The following NAALADL2 variants were observed in gnomAD, a reference collection of about 807,000 sequenced individuals.
NAALADL2 encodes N-acetylated alpha-linked acidic dipeptidase like 2, also known as inactive N-acetylated-alpha-linked acidic dipeptidase-like protein 2.
NAALADL2 carries 76 observed loss-of-function variants against 87.2 expected under a neutral mutation model. That is an observed-to-expected ratio of 0.87 (90% CI 0.72 to 1.05). The LOEUF (loss-of-function observed/expected upper bound fraction) is 1.05, where lower values mean the gene tolerates loss of function less well. Ranked by LOEUF, NAALADL2 falls within the 50% of genes least tolerant of loss-of-function variation. NAALADL2 has a pLI of 0.00. For missense variants in NAALADL2, 1,089 were observed against 945.8 expected (o/e 1.15, Z -1.99); for synonymous variants, 354 against 331.0 (o/e 1.07, Z -0.75).
At chr3:175,470,928 TA>T (rs1209367789) in intron 8 of NAALADL2, among the ~76,000 whole-genome samples, 15 of 152,236 alleles carry the variant, frequency 9.9e-5, no homozygotes, top group African/African-American at 3.4e-4. Flanking sequence ...GCTTCAAAAG[TA>T]AAGGGCTGGT....
intron 1 of NAALADL2, among the ~76,000 whole-genome samples, chr3:175,005,092 T>C (rs1303229982): frequency 6.6e-6 from 1 of 152,182 alleles, no homozygotes; most frequent in Non-Finnish European, 1.5e-5. Context: ...TTATAGAAAT[T>C]ATACTGTCAG....
intron 7 of NAALADL2, among the ~76,000 whole-genome samples, chr3:175,465,492 T>TTTTTTTTA (rs1723866545): frequency 8.0e-6 from 1 of 125,584 alleles, no homozygotes; most frequent in African/African-American, 2.9e-5. Flanking sequence ...TTTTTTTTTT[T>TTTTTTTTA]GAGATGGAGT....
intron 1 of NAALADL2, among the ~76,000 whole-genome samples, chr3:174,969,719 C>A (rs1435836331): frequency 6.6e-6 from 1 of 152,154 alleles, no homozygotes; most frequent in Non-Finnish European, 1.5e-5. Context: ...CCATTGAAAT[C>A]TTACCCTTGA....
At chr3:175,349,579 T>A (rs944812658) in intron 5 of NAALADL2, among the ~76,000 whole-genome samples, 2 of 152,202 alleles carry the variant, frequency 1.3e-5, no homozygotes, top group African/African-American at 2.4e-5. Context: ...TGACTCTTTT[T>A]TTTAAGAAAA....
chr3:174,984,790 A>G (rs1393831118), intron 1 of NAALADL2, among the ~76,000 whole-genome samples: 2 of 152,214 alleles, frequency 1.3e-5, no homozygotes, highest in Non-Finnish European at 2.9e-5. Flanking sequence ...AAGGGAGAAG[A>G]TAGTTTGTTC....
At chr3:174,845,113 C>T (rs185871382) in intron 3 of NAALADL2, among the ~76,000 whole-genome samples, 19 of 152,258 alleles carry the variant, frequency 1.2e-4, no homozygotes, top group Admixed American at 1.2e-3. Context: ...AGAGAAGATA[C>T]AATATGTTGG....
chr3:175,501,135 T>C (rs75981717), intron 9 of NAALADL2, among the ~76,000 whole-genome samples: 3,264 of 152,142 alleles, frequency 0.021, 117 homozygotes, highest in African/African-American at 0.074. Flanking sequence ...TAAGAGAACA[T>C]GAGTCAGATA....
rs575841218 is a variant in NAALADL2 at position 175,495,169 on chromosome 3, A to G, written c.1653+23411A>G. On this transcript the variant is annotated intron_variant, in intron 9 of 13. Transcript: ENST00000454872. ...GTAGCTTCCAAAGTATGCAAATATC[A>G]TATATTTATTGAATTCTTAAGTGTC... Among the ~76,000 whole-genome samples, 4 of 151,416 alleles carry G rather than the reference A, an allele frequency of 2.6e-5. No homozygotes were observed. In the East Asian group the frequency reaches 5.8e-4, roughly 22 times the overall value.
Position 174,880,920 on chromosome 3 carries a change from TG to T in NAALADL2, c.43+21472del, listed in dbSNP as rs146513920. ...CCTTCTCTTAGATTCTGGTGGCTGATGGCAATCCTTGGAATTCCTTGGCTTG... is the reference window on the plus strand; with the variant it reads ...CCTTCTCTTAGATTCTGGTGGCTGATGCAATCCTTGGAATTCCTTGGCTTG... On this transcript the variant is annotated intron_variant, in intron 1 of 13. Transcript: ENST00000454872. Among the ~76,000 whole-genome samples, 626 of 152,228 alleles carry T rather than the reference TG, an allele frequency of 4.1e-3. 6 individuals are homozygous for T. Among genetic ancestry groups the T allele is most frequent in the African/African-American group, 0.014 (582 of 41,550 alleles).
At chr3:174,800,851 G>A (rs1177230205) in intron 3 of NAALADL2, among the ~76,000 whole-genome samples, 36 of 152,218 alleles carry the variant, frequency 2.4e-4, no homozygotes, top group Admixed American at 2.4e-3. Flanking sequence ...AGTCAAAGGA[G>A]ATCATTTTGG....
chr3:174,911,158 G>A (rs1361978812), intron 1 of NAALADL2, among the ~76,000 whole-genome samples: 2 of 152,014 alleles, frequency 1.3e-5, no homozygotes, highest in African/African-American at 4.8e-5. Context: ...ATTAGTTTTG[G>A]TGGTCTGGAG....
intron 11 of NAALADL2, among the ~76,000 whole-genome samples, chr3:175,716,544 G>A (rs1490673441): frequency 2.0e-5 from 3 of 151,976 alleles, no homozygotes; most frequent in Non-Finnish European, 2.9e-5. Context: ...GAATGAGTCA[G>A]CTCTACAAAG....
intron 2 of NAALADL2, among the ~76,000 whole-genome samples, chr3:175,108,181 A>G (rs200042486): frequency 4.2e-5 from 2 of 47,974 alleles, no homozygotes; most frequent in Non-Finnish European, 8.7e-5. Context: ...TATATACACA[A>G]TGTCATAATA....
chr3:174,788,306 T>C (rs1241669728), intron 3 of NAALADL2, among the ~76,000 whole-genome samples: 2 of 152,174 alleles, frequency 1.3e-5, no homozygotes, highest in African/African-American at 2.4e-5. Flanking sequence ...AGTACTGATA[T>C]GAGGAGAAGT....
intron 1 of NAALADL2, among the ~76,000 whole-genome samples, chr3:175,043,310 C>A (rs1441136518): frequency 6.6e-6 from 1 of 152,184 alleles, no homozygotes; most frequent in East Asian, 1.9e-4. Flanking sequence ...ACAATCTGGG[C>A]TCACTGCAAC....
At chr3:175,680,648 A>C (rs2149879990) in intron 11 of NAALADL2, among the ~76,000 whole-genome samples, 1 of 152,306 alleles carries the variant, frequency 6.6e-6, no homozygotes, top group East Asian at 1.9e-4. Context: ...AGATAAGCAA[A>C]CTGAAGTTAA....
intron 3 of NAALADL2, among the ~76,000 whole-genome samples, chr3:174,747,244 C>T (rs1318101614): frequency 1.3e-5 from 2 of 152,062 alleles, no homozygotes; most frequent in Non-Finnish European, 2.9e-5. Context: ...AAAGGCCAAA[C>T]AACCCCATCA....
intron 10 of NAALADL2, among the ~76,000 whole-genome samples, chr3:175,581,660 C>T (rs1719802869): frequency 6.6e-6 from 1 of 151,854 alleles, no homozygotes; most frequent in Admixed American, 6.6e-5. Flanking sequence ...AATCTTAATC[C>T]ATCTTAATAA....
rs569110298 is a variant in NAALADL2 at position 175,204,522 on chromosome 3, C to T, written c.546-29409C>T. 9.9e-5 allele frequency among the ~76,000 whole-genome samples: 15 copies of T among 152,208 alleles called. No homozygotes were observed. In the South Asian group the frequency reaches 2.7e-3, roughly 27 times the overall value. ...AAAAGTTGAAAGCTGAAAGCATTCC[C>T]TCTGAGGACTGAAACAAGACAAAGA... On this transcript the variant is annotated intron_variant, in intron 2 of 13. Coordinates refer to ENST00000454872, the MANE Select transcript of NAALADL2 (RefSeq NM_207015.3).
Sources: gnomAD v4.1 joint callset for allele counts (sites outside exome capture counted in the v4.1 genomes callset) on GRCh38, gnomAD v4.1.1 for gene constraint, MANE v1.5 for transcripts, NCBI Gene and HGNC (gene_info 2026-07-23, HGNC 2026-07-21) for gene names.